GLIS3: variants seen among roughly 807,000 people sequenced by gnomAD.
GLIS3 encodes the protein GLIS family zinc finger 3, also known as zinc finger protein GLIS3.
GLIS3 carries 53 observed loss-of-function variants against 78.6 expected under a neutral mutation model. That is an observed-to-expected ratio of 0.67 (90% confidence interval 0.54 to 0.85). The LOEUF (loss-of-function observed/expected upper bound fraction) is 0.85. GLIS3 is among the 40% of genes least tolerant of loss of function. GLIS3 has a pLI of 0.00. For synonymous variants in GLIS3, 684 were observed against 509.9 expected (o/e 1.34, Z -4.60); for missense variants, 1,703 against 1,231.1 (o/e 1.38, Z -5.74).
chr9:4,463,095 A>G, the GLIS3 span, among the ~76,000 whole-genome samples: 4 of 152,236 alleles, frequency 2.6e-5, no homozygotes, highest in African/African-American at 9.6e-5. Context: ...TGTATGCAGA[A>G]TCAATACAGA....
intron 2 of GLIS3, among the ~76,000 whole-genome samples, chr9:4,250,787 G>T (rs1371518649): frequency 2.0e-5 from 3 of 152,134 alleles, no homozygotes; most frequent in African/African-American, 4.8e-5. Flanking sequence ...CTTTAGCTGT[G>T]TCCCAGAGAT....
chr9:3,835,531 T>C lies in GLIS3; in HGVS notation c.2474-6039A>G, dbSNP rs187603358. Among the ~76,000 whole-genome samples the C allele has an allele frequency of 7.2e-5, 11 of 152,360 alleles. No homozygotes were observed. The East Asian group carries it at 1.9e-3, about 27-fold the overall frequency. On this transcript the variant is annotated intron_variant, in intron 9 of 10. Coordinates refer to ENST00000381971, the MANE Select transcript of GLIS3 (RefSeq NM_001042413.2). ...GGATCCAGGCTAAGTGCTATAGTTT[T>C]TCAGCCACTACCCAAATCTCAGGAG...
chr9:4,301,275 A>G (rs1393782198), upstream of GLIS3, among the ~76,000 whole-genome samples: 1 of 152,198 alleles, frequency 6.6e-6, no homozygotes, highest in Non-Finnish European at 1.5e-5. Context: ...AGAGGTCAGG[A>G]TATGTCATTC....
chr9:4,452,159 G>A, the GLIS3 span, among the ~76,000 whole-genome samples: 1 of 152,084 alleles, frequency 6.6e-6, no homozygotes. Context: ...AGTAGGTATT[G>A]ATGGAACGTA....
chr9:4,138,551 G>C (rs1320525553), intron 2 of GLIS3, among the ~76,000 whole-genome samples: 1 of 152,130 alleles, frequency 6.6e-6, no homozygotes, highest in Admixed American at 6.5e-5. Context: ...ATGAAGAGTT[G>C]GATGGCCAAA....
Position 4,286,437 on chromosome 9 carries a change from T to C in GLIS3, c.-12A>G. The C allele has an allele frequency of 1.9e-6, 3 of 1,613,632 alleles. No individual in the cohort carries two copies. The highest frequency in any genetic ancestry group is 1.7e-4 in the Middle Eastern group (1 of 6,058). ...GATCTTCCATTCATTCTGAAAAACCTGTGGCCAAGACGGTCAAATATCCAA... is the reference window on the plus strand; with the variant it reads ...GATCTTCCATTCATTCTGAAAAACCCGTGGCCAAGACGGTCAAATATCCAA... On this transcript the variant is annotated 5_prime_UTR_variant, in exon 2 of 11. Transcript: ENST00000381971.
chr9:3,942,723 G>C (rs543940320), intron 4 of GLIS3, among the ~76,000 whole-genome samples: 1 of 152,270 alleles, frequency 6.6e-6, no homozygotes, highest in African/African-American at 2.4e-5. Context: ...AGCAGGGCTG[G>C]GTGGGACCTG....
intron 4 of GLIS3, among the ~76,000 whole-genome samples, chr9:4,060,868 G>C (rs1826588057): frequency 6.6e-6 from 1 of 152,112 alleles, no homozygotes; most frequent in South Asian, 2.1e-4. Flanking sequence ...CTCTGCCCAG[G>C]AATCAAAATT....
At chr9:4,109,212 T>C (rs1391678077) in intron 4 of GLIS3, among the ~76,000 whole-genome samples, 1 of 152,214 alleles carries the variant, frequency 6.6e-6, no homozygotes, top group African/African-American at 2.4e-5. Flanking sequence ...CTCAGCATAA[T>C]GAGCACCAGT....
chr9:4,302,816 A>C (rs908178167), upstream of GLIS3, among the ~76,000 whole-genome samples: 5 of 152,212 alleles, frequency 3.3e-5, no homozygotes, highest in African/African-American at 1.2e-4. Flanking sequence ...GAGCACAATG[A>C]AGTTTGTAGG....
the GLIS3 span, among the ~76,000 whole-genome samples, chr9:4,486,280 G>C: frequency 6.6e-6 from 1 of 152,288 alleles, no homozygotes; most frequent in South Asian, 2.1e-4. Context: ...AGAAGTGGAA[G>C]TTCCTTTATC....
At chr9:4,481,611 C>T in the GLIS3 span, among the ~76,000 whole-genome samples, 1 of 151,626 alleles carries the variant, frequency 6.6e-6, no homozygotes, top group Non-Finnish European at 1.5e-5. Flanking sequence ...CTAAAATATG[C>T]TTTTCAATCT....
At chr9:4,405,760 A>G in the GLIS3 span, among the ~76,000 whole-genome samples, 1 of 151,990 alleles carries the variant, frequency 6.6e-6, no homozygotes, top group Non-Finnish European at 1.5e-5. Flanking sequence ...AGACAAAGAC[A>G]CATTAAAAAA....
the GLIS3 span, among the ~76,000 whole-genome samples, chr9:4,427,965 T>C: frequency 6.6e-6 from 1 of 151,234 alleles, no homozygotes; most frequent in Non-Finnish European, 1.5e-5. Context: ...AACAGGCCCC[T>C]TACTACACAG....
At chr9:4,461,744 A>G in the GLIS3 span, among the ~76,000 whole-genome samples, 5 of 152,260 alleles carry the variant, frequency 3.3e-5, no homozygotes, top group Admixed American at 1.3e-4. Flanking sequence ...CTCACCCAAT[A>G]TCAGCAGCCA....
chr9:4,052,520 A>G (rs1408407992), intron 4 of GLIS3, among the ~76,000 whole-genome samples: 1 of 152,124 alleles, frequency 6.6e-6, no homozygotes, highest in Non-Finnish European at 1.5e-5. Context: ...CTAGTCAACC[A>G]CTAGTCGGAT....
At chr9:4,297,924 C>T (rs1401396247) in intron 1 of GLIS3, among the ~76,000 whole-genome samples, 1 of 150,928 alleles carries the variant, frequency 6.6e-6, no homozygotes, top group Non-Finnish European at 1.5e-5. Flanking sequence ...GTCGGAGATT[C>T]CTCGGCGCGG....
chr9:3,935,454 C>T (rs765264541), intron 5 of GLIS3, among the ~76,000 whole-genome samples: 2 of 151,954 alleles, frequency 1.3e-5, no homozygotes, highest in Non-Finnish European at 2.9e-5. Flanking sequence ...ATTTTTATTC[C>T]AAAATGATTT....
chr9:4,221,595 C>A (rs911351836), intron 2 of GLIS3, among the ~76,000 whole-genome samples: 2 of 151,470 alleles, frequency 1.3e-5, no homozygotes, highest in African/African-American at 4.9e-5. Context: ...TTTTCAAGTC[C>A]CCCCTTTAAT....
Sources: allele counts gnomAD v4.1 joint callset (sites outside exome capture counted in the v4.1 genomes callset), GRCh38; gene constraint gnomAD v4.1.1; transcripts MANE v1.5; gene names NCBI Gene and HGNC (gene_info 2026-07-23, HGNC 2026-07-21).